MYCBP2: variants seen among roughly 807,000 people sequenced by gnomAD.
The protein encoded by MYCBP2 is E3 ubiquitin-protein ligase MYCBP2.
In MYCBP2, 120 loss-of-function variants were observed where a neutral mutation model predicts 525.3. The observed-to-expected ratio is 0.23, with a 90% CI of 0.20 to 0.27. MYCBP2 has a LOEUF of 0.27. Ranked by LOEUF, MYCBP2 falls within the 10% of genes least tolerant of loss-of-function variation. The probability of loss-of-function intolerance (pLI) is 1.00; values close to 1 mark genes in which losing one functional copy is unlikely to be tolerated. For synonymous variants in MYCBP2, 1,894 were observed against 1,955.8 expected (o/e 0.97, Z 0.83); for missense variants, 4,149 against 5,657.1 (o/e 0.73, Z 8.55).
chr13:77,180,323 G>C lies in MYCBP2; in HGVS notation c.4942-5C>G, dbSNP rs770735207. The C allele has an allele frequency of 5.0e-6, 8 of 1,612,318 alleles. No individual in the cohort carries two copies. The Middle Eastern group carries it at 6.6e-4, about 133-fold the overall frequency. Reference sequence around the variant, plus strand: ...CCCTGAGATATTCTCTTCACTCTGCGATACATAAGAAAAAGTTCTAAGGTA... The same window carrying C: ...CCCTGAGATATTCTCTTCACTCTGCCATACATAAGAAAAAGTTCTAAGGTA... On this transcript the variant is annotated splice_region_variant and splice_polypyrimidine_tract_variant and intron_variant, in intron 33 of 82. Coordinates refer to ENST00000544440, the MANE Select transcript of MYCBP2 (RefSeq NM_015057.5).
At chr13:77,245,422 G>T (rs1336084265) in intron 15 of MYCBP2, among the ~76,000 whole-genome samples, 1 of 152,122 alleles carries the variant, frequency 6.6e-6, no homozygotes, top group African/African-American at 2.4e-5. Flanking sequence ...ATACTATGCA[G>T]CCATAAAAAA....
chr13:77,311,644 T>C (rs2080249604), intron 1 of MYCBP2, among the ~76,000 whole-genome samples: 1 of 149,426 alleles, frequency 6.7e-6, no homozygotes, highest in Non-Finnish European at 1.5e-5. Context: ...AAAAGTTCAC[T>C]GGTTGGACTC....
chr13:77,171,111 T>C (rs898543493), intron 38 of MYCBP2, among the ~76,000 whole-genome samples: 1 of 152,166 alleles, frequency 6.6e-6, no homozygotes, highest in African/African-American at 2.4e-5. Context: ...TTTAGACAAG[T>C]GCCTCTGAGG....
chr13:77,190,721 T>C (rs780742183), intron 28 of MYCBP2, among the ~76,000 whole-genome samples: 9 of 152,174 alleles, frequency 5.9e-5, no homozygotes, highest in Non-Finnish European at 1.2e-4. Context: ...ATGAAAATCA[T>C]ACAGTCCAGG....
Position 77,185,344 on chromosome 13 carries a change from T to G in MYCBP2, c.4478A>C (p.Lys1493Thr). The G allele has an allele frequency of 6.2e-7, 1 of 1,613,494 alleles. No individual in the cohort carries two copies. The highest frequency in any genetic ancestry group is 1.1e-5 in the South Asian group (1 of 91,024). The change falls in exon 32 of 83, where the codon AAA (lysine) becomes ACA (threonine). Residue 1493 changes from lysine (K) to threonine (T), a missense_variant. By Grantham distance (78) the Lys-to-Thr change is moderately conservative. Coordinates refer to ENST00000544440, the MANE Select transcript of MYCBP2 (RefSeq NM_015057.5). ...GGTTTTTCCAATACACTCTGCTAATTTGCTAGTTTCTTCTACAACTGCTTT... is the reference window on the plus strand; with the variant it reads ...GGTTTTTCCAATACACTCTGCTAATGTGCTAGTTTCTTCTACAACTGCTTT... ...TGKAVVEETS[K>T]LAECIGKTRT...
intron 20 of MYCBP2, among the ~76,000 whole-genome samples, chr13:77,219,383 C>T (rs560868683): frequency 6.6e-6 from 1 of 151,158 alleles, no homozygotes; most frequent in African/African-American, 2.4e-5. Context: ...CACAAAGTAG[C>T]TCTAAGTATC....
chr13:77,276,891 A>G (rs1456102604), intron 4 of MYCBP2, among the ~76,000 whole-genome samples: 1 of 144,972 alleles, frequency 6.9e-6, no homozygotes, highest in Non-Finnish European at 1.5e-5. Flanking sequence ...CCCAGCCTTA[A>G]GCTATCCTCC....
At chr13:77,107,718 A>T (rs975065428) in intron 55 of MYCBP2, among the ~76,000 whole-genome samples, 18 of 152,312 alleles carry the variant, frequency 1.2e-4, no homozygotes, top group African/African-American at 4.1e-4. Flanking sequence ...AGTGTGGGCG[A>T]CAGAGTGAAA....
In MYCBP2 at chr13:77,171,604, T is replaced by C. The variant is rs1165519964; in HGVS notation, c.5682A>G (p.Gln1894=). The C allele has an allele frequency of 6.2e-7, 1 of 1,614,120 alleles. No individual in the cohort carries two copies. Among genetic ancestry groups the C allele is most frequent in the Non-Finnish European group, 8.5e-7 (1 of 1,179,986 alleles). The change falls in exon 38 of 83, where the codon CAA becomes CAG. Residue 1894 remains glutamine, a synonymous_variant. Transcript: ENST00000544440. The stretch of plus-strand genomic sequence containing the variant: ...CTTCTTCATTGGCTTTACTCAGAAG[T>C]TGGGATTGTAAATCTCCATCAAATT... ...RSEFDGDLQS[Q]LLSKANEEDK... is the part of the protein sequence containing the mutation.
chr13:77,071,237 GTA>G (rs10681121), intron 68 of MYCBP2, among the ~76,000 whole-genome samples: 1 of 149,984 alleles, frequency 6.7e-6, no homozygotes, highest in East Asian at 2.0e-4. Context: ...ATATGTGTGT[GTA>G]TATATATATA....
chr13:77,326,552 T>C lies in MYCBP2; in HGVS notation c.224A>G (p.Asp75Gly). Reference sequence around the variant, plus strand: ...AGCGGTATAAATCCTCCGGTAGCGGTCGGCCAGGGCCCGGCCTGACAGCAG... The same window carrying C: ...AGCGGTATAAATCCTCCGGTAGCGGCCGGCCAGGGCCCGGCCTGACAGCAG... ...QLLLSGRALA[D>G]RYRRIYTAAL... Residue 75 changes from aspartate (D) to glycine (G), a missense_variant, in exon 1 of 83, where the codon GAC (aspartate) becomes GGC (glycine). Asp to Gly is a moderately conservative substitution (Grantham distance 94, BLOSUM62 -1). Transcript: ENST00000544440. This position sits in a 1 kb window ranked among gnomAD's most constrained non-coding sequence, Gnocchi z 4.2. The C allele has an allele frequency of 6.3e-7, 1 of 1,597,778 alleles. No individual in the cohort carries two copies. Among genetic ancestry groups the C allele is most frequent in the South Asian group, 1.1e-5 (1 of 90,384 alleles).
chr13:77,169,728 T>A lies in MYCBP2; in HGVS notation c.5795-14A>T, dbSNP rs780424343. The A allele has an allele frequency of 4.0e-5, 64 of 1,587,704 alleles. No individual in the cohort carries two copies. Among genetic ancestry groups the A allele is most frequent in the Non-Finnish European group, 5.4e-5 (63 of 1,156,614 alleles). On this transcript the variant is annotated splice_polypyrimidine_tract_variant and intron_variant, in intron 38 of 82. Transcript: ENST00000544440. ...GAATGTCATCAGCTAAAAAAAGGCATAAAAGGCATTAAAACTATAGTCAGA... is the reference window on the plus strand; with the variant it reads ...GAATGTCATCAGCTAAAAAAAGGCAAAAAAGGCATTAAAACTATAGTCAGA...
intron 48 of MYCBP2, 150 bp from the exon 49 acceptor site, chr13:77,144,710 C>CAAA (rs1383774292): frequency 1.6e-5 from 10 of 631,892 alleles, no homozygotes; most frequent in Non-Finnish European, 2.5e-5. Flanking sequence ...CTCCAAAATG[C>CAAA]TTGAATTTCA....
intron 3 of MYCBP2, among the ~76,000 whole-genome samples, chr13:77,286,949 A>T (rs899179741): frequency 2.0e-5 from 3 of 148,212 alleles, no homozygotes; most frequent in African/African-American, 7.5e-5. Context: ...CAGTGGCGCC[A>T]TCTCGGCTCA....
Position 77,269,978 on chromosome 13 carries a change from G to C in MYCBP2, c.1260+14C>G. On this transcript the variant is annotated intron_variant, in intron 7 of 82. Transcript: ENST00000544440. ...AGATAAGAAAATTTTGGTTTATTGT[G>C]GATAGTTTCTTACCTGAGCATACCC... The C allele has an allele frequency of 4.4e-6, 7 of 1,598,546 alleles. No individual in the cohort carries two copies. The highest frequency in any genetic ancestry group is 1.4e-5 in the African/African-American group (1 of 73,988).
intron 1 of MYCBP2, among the ~76,000 whole-genome samples, chr13:77,325,987 A>G (rs2082242734): frequency 6.6e-6 from 1 of 152,130 alleles, no homozygotes; most frequent in Non-Finnish European, 1.5e-5. Context: ...GATTGAAGGG[A>G]GGTGGAAAGG....
intron 48 of MYCBP2, among the ~76,000 whole-genome samples, chr13:77,144,804 T>C (rs986533820): frequency 1.3e-5 from 2 of 152,130 alleles, no homozygotes; most frequent in Non-Finnish European, 2.9e-5. Context: ...TGTGAGACAA[T>C]AAGCAATCAG....
At chr13:77,094,064 C>T (rs1216562154) in intron 58 of MYCBP2, among the ~76,000 whole-genome samples, 1 of 152,160 alleles carries the variant, frequency 6.6e-6, no homozygotes, top group Non-Finnish European at 1.5e-5. Flanking sequence ...ATTTCCACCT[C>T]AGTCTCAAAT....
At chr13:77,244,432 TA>T (rs1933810499) in intron 15 of MYCBP2, among the ~76,000 whole-genome samples, 1 of 152,202 alleles carries the variant, frequency 6.6e-6, no homozygotes, top group African/African-American at 2.4e-5. Flanking sequence ...CCCTATTTAA[TA>T]AATGGTGCTG....
Sources: gnomAD v4.1 joint callset for allele counts (sites outside exome capture counted in the v4.1 genomes callset) on GRCh38, gnomAD v4.1.1 for gene constraint, Gnocchi (gnomAD v3.1) non-coding constraint, MANE v1.5 for transcripts, NCBI Gene and HGNC (gene_info 2026-07-23, HGNC 2026-07-21) for gene names.